The following TNS3 variants were observed in gnomAD, a reference collection of about 807,000 sequenced individuals.
The protein encoded by TNS3 is tensin-3.
A neutral mutation model predicts 140.9 loss-of-function variants in TNS3; 45 were observed. The observed-to-expected ratio is 0.32, with a 90% CI of 0.25 to 0.41. The LOEUF (loss-of-function observed/expected upper bound fraction) is 0.41, where lower values mean the gene tolerates loss of function less well. Ranked by LOEUF, TNS3 falls within the 10% of genes least tolerant of loss-of-function variation. TNS3 has a pLI of 1.00. For synonymous variants in TNS3, 815 were observed against 788.4 expected, an observed-to-expected ratio of 1.03 and a Z score of -0.56; for missense variants, 1,716 against 1,906.7, an observed-to-expected ratio of 0.90 and a Z score of 1.86.
At chr7:47,478,741 A>G (rs555894597) in intron 4 of TNS3, among the ~76,000 whole-genome samples, 21 of 152,138 alleles carry the variant, frequency 1.4e-4, no homozygotes, top group Non-Finnish European at 2.8e-4. Context: ...TGGCACATGT[A>G]TGTATTCATG....
At chr7:47,467,657 C>G (rs1340584936) in intron 4 of TNS3, among the ~76,000 whole-genome samples, 3 of 152,152 alleles carry the variant, frequency 2.0e-5, no homozygotes, top group East Asian at 1.9e-4. Flanking sequence ...CTCAAGATGC[C>G]TTCAGTGACC....
intron 20 of TNS3, among the ~76,000 whole-genome samples, chr7:47,341,305 C>A (rs188194519): frequency 6.6e-6 from 1 of 152,048 alleles, no homozygotes; most frequent in Non-Finnish European, 1.5e-5. Flanking sequence ...GAAGGTATTG[C>A]GTAGAATCAG....
intron 2 of TNS3, among the ~76,000 whole-genome samples, chr7:47,514,531 C>T (rs1355766247): frequency 6.6e-6 from 1 of 152,162 alleles, no homozygotes. Context: ...CCCTTCATCC[C>T]ACTTTCCCTC....
chr7:47,549,752 G>C (rs1371607839), intron 1 of TNS3, among the ~76,000 whole-genome samples: 1 of 152,118 alleles, frequency 6.6e-6, no homozygotes, highest in Non-Finnish European at 1.5e-5. Context: ...ATAAACTCTA[G>C]TCCATCTGTC....
chr7:47,399,375 T>A (rs1256156324), intron 15 of TNS3, among the ~76,000 whole-genome samples: 1 of 151,524 alleles, frequency 6.6e-6, no homozygotes, highest in Non-Finnish European at 1.5e-5. Context: ...GCCAAAGCAA[T>A]CCTAAAAACA....
intron 17 of TNS3, among the ~76,000 whole-genome samples, chr7:47,357,511 G>GA (rs1354673369): frequency 2.6e-5 from 4 of 152,182 alleles, no homozygotes; most frequent in Non-Finnish European, 4.4e-5. Flanking sequence ...TCCCAAAACT[G>GA]AAACAGGACT....
chr7:47,312,667 C>T (rs1976915), intron 20 of TNS3, among the ~76,000 whole-genome samples: 39,902 of 148,816 alleles, frequency 0.27, 5,722 homozygotes, highest in Middle Eastern at 0.34. Flanking sequence ...CATGCCACTG[C>T]ACTCCAGCCT....
rs1790835609 is a variant in TNS3, at chr7:47,368,434, C to T, written c.2212G>A (p.Gly738Ser). The T allele has an allele frequency of 1.3e-6, 2 of 1,545,846 alleles. No homozygotes were observed. Among genetic ancestry groups the T allele is most frequent in the Non-Finnish European group, 1.8e-6 (2 of 1,140,964 alleles). The change falls in exon 17 of 31, where the codon GGT becomes AGT. Residue 738 changes from glycine (G) to serine (S), a missense_variant. This residue lies in a region of TNS3 where 1,163 missense variants were observed against 1,182.1 expected (regional missense o/e 0.98). Transcript: ENST00000311160. Reference sequence around the variant, plus strand: ...AGCCTGCTGCTTGCCCGGAGCCCACCTCCCACGCTGTCTGGAGACACAGAG... The same window carrying T: ...AGCCTGCTGCTTGCCCGGAGCCCACTTCCCACGCTGTCTGGAGACACAGAG... ...NGSVSPDSVG[G>S]GLRASSRLPD... is the part of the protein sequence containing the mutation.
chr7:47,326,276 T>C (rs889111778), intron 20 of TNS3, among the ~76,000 whole-genome samples: 4 of 152,172 alleles, frequency 2.6e-5, no homozygotes, highest in African/African-American at 7.2e-5. Flanking sequence ...AATCATCTTA[T>C]GGATGAGGAA....
At chr7:47,487,863 T>C (rs1797668888) in intron 3 of TNS3, among the ~76,000 whole-genome samples, 1 of 152,192 alleles carries the variant, frequency 6.6e-6, no homozygotes, top group South Asian at 2.1e-4. Flanking sequence ...AGAAACTTCG[T>C]GATGGCGCCA....
intron 15 of TNS3, among the ~76,000 whole-genome samples, chr7:47,399,308 C>T (rs534714812): frequency 7.3e-5 from 11 of 151,372 alleles, no homozygotes; most frequent in Admixed American, 2.6e-4. Context: ...TCATTCTTCA[C>T]GAAATTGGAA....
intron 3 of TNS3, among the ~76,000 whole-genome samples, chr7:47,496,730 T>C (rs1470473170): frequency 6.6e-6 from 1 of 152,166 alleles, no homozygotes; most frequent in Non-Finnish European, 1.5e-5. Context: ...GTCAGGGGCT[T>C]GTGGGAAATC....
chr7:47,413,457 G>C (rs1021494382), intron 12 of TNS3, among the ~76,000 whole-genome samples: 4 of 151,662 alleles, frequency 2.6e-5, no homozygotes, highest in African/African-American at 9.7e-5. Context: ...CACCATGATG[G>C]CCAGGGGCTC....
intron 17 of TNS3, among the ~76,000 whole-genome samples, chr7:47,358,111 C>T (rs1790101513): frequency 6.6e-6 from 1 of 152,002 alleles, no homozygotes; most frequent in Admixed American, 6.6e-5. Flanking sequence ...CCCCCCATCA[C>T]GTGACCTTAC....
chr7:47,400,713 A>G (rs1793107316), intron 14 of TNS3, 72 bp downstream of exon 14: 2 of 1,583,516 alleles, frequency 1.3e-6, no homozygotes, highest in East Asian at 2.3e-5. Context: ...TAAAGGGGAT[A>G]GTGAAAGAAT....
chr7:47,545,475 C>T (rs1372354390), intron 1 of TNS3, among the ~76,000 whole-genome samples: 1 of 152,148 alleles, frequency 6.6e-6, no homozygotes, highest in African/African-American at 2.4e-5. Context: ...GTGGACAAGG[C>T]GCCCAAGGCT....
At chr7:47,386,264 C>T (rs1792063002) in intron 16 of TNS3, among the ~76,000 whole-genome samples, 1 of 152,162 alleles carries the variant, frequency 6.6e-6, no homozygotes, top group African/African-American at 2.4e-5. Flanking sequence ...TGGAGGGGGT[C>T]CCCCCACATC....
Position 47,292,844 on chromosome 7 carries a change from C to T in TNS3, c.3834G>A (p.Leu1278=), listed in dbSNP as rs1280437740. ...ACCCCTTACCTCTCTCTGGGATAAG[C>T]AGCTTGCACGGCAAGGCCAAGGGCG... ...SITPLALPCK[L]LIPERDPLEE... The change falls in exon 26 of 31, where the codon CTG becomes CTA. Residue 1278 remains leucine, a synonymous_variant. Coordinates refer to ENST00000311160, the MANE Select transcript of TNS3 (RefSeq NM_022748.12). 1.9e-6 allele frequency: 3 copies of T among 1,614,036 alleles called. No individual in the cohort carries two copies. Among genetic ancestry groups the T allele is most frequent in the African/African-American group, 1.3e-5 (1 of 74,944 alleles).
intron 4 of TNS3, among the ~76,000 whole-genome samples, chr7:47,444,431 T>C (rs907550698): frequency 6.6e-6 from 1 of 152,196 alleles, no homozygotes. Flanking sequence ...ATTATATAAC[T>C]CATGGGGCAA....
Sources: gnomAD v4.1 joint callset for allele counts (sites outside exome capture counted in the v4.1 genomes callset) on GRCh38, gnomAD v4.1.1 for gene constraint, gnomAD v4.1.1 regional missense constraint, MANE v1.5 for transcripts, NCBI Gene and HGNC (gene_info 2026-07-23, HGNC 2026-07-21) for gene names.